LRMDA: variants seen among roughly 807,000 people sequenced by gnomAD.
LRMDA encodes leucine rich melanocyte differentiation associated, also known as leucine-rich melanocyte differentiation-associated protein.
LRMDA carries 18 observed loss-of-function variants against 29.8 expected under a neutral mutation model. The ratio of observed to expected loss-of-function variants is 0.60; its 90% CI spans 0.42 to 0.90. LRMDA has a LOEUF of 0.90. Ranked by LOEUF, LRMDA falls within the 40% of genes least tolerant of loss-of-function variation. The pLI, the probability that LRMDA is intolerant of heterozygous loss-of-function variation, is 0.00. For synonymous variants in LRMDA, 125 were observed against 109.4 expected, an observed-to-expected ratio of 1.14 and a Z score of -0.89; for missense variants, 273 against 273.9, an observed-to-expected ratio of 1.00 and a Z score of 0.02.
At chr10:76,219,544 T>A (rs1435126494) in intron 5 of LRMDA, among the ~76,000 whole-genome samples, 4 of 152,280 alleles carry the variant, frequency 2.6e-5, no homozygotes, top group East Asian at 1.9e-4. Context: ...GGTAAAGGGA[T>A]CAATTCAACA....
At chr10:76,480,437 T>G (rs1021464827) in intron 6 of LRMDA, among the ~76,000 whole-genome samples, 1 of 151,886 alleles carries the variant, frequency 6.6e-6, no homozygotes, top group Non-Finnish European at 1.5e-5. Context: ...ATAGTAGAGC[T>G]GGAAGAAATT....
chr10:75,916,515 C>T (rs531660555), intron 2 of LRMDA, among the ~76,000 whole-genome samples: 1 of 152,316 alleles, frequency 6.6e-6, no homozygotes, highest in East Asian at 1.9e-4. Flanking sequence ...AGAGTCAGAC[C>T]TGCCATAAGG....
chr10:76,207,809 CA>C (rs1851564449), intron 5 of LRMDA, among the ~76,000 whole-genome samples: 1 of 152,056 alleles, frequency 6.6e-6, no homozygotes, highest in Non-Finnish European at 1.5e-5. Context: ...ACTAAAAACA[CA>C]AAAGTTAGCT....
At chr10:76,481,275 T>C (rs1275037521) in intron 6 of LRMDA, among the ~76,000 whole-genome samples, 1 of 151,924 alleles carries the variant, frequency 6.6e-6, no homozygotes, top group African/African-American at 2.4e-5. Context: ...GATTTTTAGA[T>C]TGTAGCCTTG....
intron 2 of LRMDA, among the ~76,000 whole-genome samples, chr10:75,895,922 T>C (rs1001625606): frequency 5.3e-5 from 8 of 152,192 alleles, no homozygotes; most frequent in African/African-American, 1.9e-4. Flanking sequence ...ATCAGACAGA[T>C]GTGGTTGTGG....
At chr10:76,139,854 C>G (rs1270765459) in intron 5 of LRMDA, among the ~76,000 whole-genome samples, 1 of 151,948 alleles carries the variant, frequency 6.6e-6, no homozygotes, top group African/African-American at 2.4e-5. Flanking sequence ...TTTTCTTAGA[C>G]CATATCAGGC....
intron 2 of LRMDA, among the ~76,000 whole-genome samples, chr10:75,914,687 C>A (rs1845900563): frequency 6.6e-6 from 1 of 152,192 alleles, no homozygotes; most frequent in Admixed American, 6.5e-5. Context: ...ACTAACCTCT[C>A]TCTTATCCTT....
intron 2 of LRMDA, among the ~76,000 whole-genome samples, chr10:75,728,853 T>C (rs558312843): frequency 2.4e-4 from 36 of 152,164 alleles, no homozygotes; most frequent in Non-Finnish European, 4.9e-4. Flanking sequence ...AGTTGGTCTG[T>C]GTGTGTGTGA....
At chr10:75,726,708 A>T (rs1039899657) in intron 2 of LRMDA, among the ~76,000 whole-genome samples, 1 of 152,172 alleles carries the variant, frequency 6.6e-6, no homozygotes, top group African/African-American at 2.4e-5. Flanking sequence ...CCTTTGGAGG[A>T]CTGTGCGGTT....
In LRMDA at chr10:76,038,158, A is replaced by T. The variant is rs190932588; in HGVS notation, c.258+2024A>T. ...TATTAGGGTCCATGGACTTTGGTTC[A>T]TGTCTCAGCTTAATCATATTTAGCG... On this transcript the variant is annotated intron_variant, in intron 3 of 6. Coordinates refer to ENST00000611255, the MANE Select transcript of LRMDA (RefSeq NM_001305581.2). Among the ~76,000 whole-genome samples the T allele has an allele frequency of 2.8e-4, 42 of 152,304 alleles. 1 individual carries two copies. Among genetic ancestry groups the T allele is most frequent in the South Asian group, 1.2e-3 (6 of 4,826 alleles).
intron 5 of LRMDA, among the ~76,000 whole-genome samples, chr10:76,321,135 T>C (rs1033925998): frequency 6.6e-6 from 1 of 152,254 alleles, no homozygotes; most frequent in Non-Finnish European, 1.5e-5. Flanking sequence ...TTATAAATAA[T>C]GCTGCAATAA....
At chr10:76,237,444 A>G (rs1008420040) in intron 5 of LRMDA, among the ~76,000 whole-genome samples, 1 of 152,204 alleles carries the variant, frequency 6.6e-6, no homozygotes, top group African/African-American at 2.4e-5. Context: ...CAAGGTTATC[A>G]GTAATCAGTG....
intron 2 of LRMDA, among the ~76,000 whole-genome samples, chr10:75,806,820 A>C (rs78268818): frequency 7.9e-6 from 1 of 127,102 alleles, no homozygotes; most frequent in South Asian, 2.9e-4. Context: ...AAAAAAAAAA[A>C]AAAAAAACCA....
chr10:76,120,485 G>A (rs1265397624), intron 5 of LRMDA, among the ~76,000 whole-genome samples: 2 of 152,080 alleles, frequency 1.3e-5, no homozygotes, highest in Non-Finnish European at 2.9e-5. Flanking sequence ...ACCATGCCTG[G>A]CCAAGTATGT....
At chr10:76,205,798 G>A (rs978136065) in intron 5 of LRMDA, among the ~76,000 whole-genome samples, 1 of 152,062 alleles carries the variant, frequency 6.6e-6, no homozygotes, top group Non-Finnish European at 1.5e-5. Context: ...GGGCCTTCCT[G>A]TTGTGAAGTA....
At chr10:76,402,761 A>G (rs960784242) in intron 6 of LRMDA, among the ~76,000 whole-genome samples, 1 of 152,180 alleles carries the variant, frequency 6.6e-6, no homozygotes, top group African/African-American at 2.4e-5. Context: ...AGAATTACTA[A>G]GGAGGGATTT....
At chr10:76,207,243 AG>A (rs1024542488) in intron 5 of LRMDA, among the ~76,000 whole-genome samples, 15 of 152,324 alleles carry the variant, frequency 9.8e-5, no homozygotes, top group African/African-American at 3.6e-4. Context: ...ACACTTTACC[AG>A]GGGGAAGAGA....
At chr10:76,219,753 G>A (rs1851795446) in intron 5 of LRMDA, among the ~76,000 whole-genome samples, 1 of 152,110 alleles carries the variant, frequency 6.6e-6, no homozygotes, top group Admixed American at 6.5e-5. Flanking sequence ...ACTCAGCTCT[G>A]CACCAAGTGG....
chr10:76,491,140 A>G (rs1432796595), intron 6 of LRMDA, among the ~76,000 whole-genome samples: 1 of 151,862 alleles, frequency 6.6e-6, no homozygotes, highest in East Asian at 1.9e-4. Context: ...TATGTCTTGA[A>G]AAGTTGTTGT....
Sources: gnomAD v4.1 joint callset for allele counts (sites outside exome capture counted in the v4.1 genomes callset) on GRCh38, gnomAD v4.1.1 for gene constraint, MANE v1.5 for transcripts, NCBI Gene and HGNC (gene_info 2026-07-23, HGNC 2026-07-21) for gene names.